Variants in EMP1 observed in about 807,000 individuals in gnomAD.
EMP1 encodes epithelial membrane protein 1, also known as tumor-associated membrane protein.
In EMP1, 5 loss-of-function variants were observed where a neutral mutation model predicts 15.7. The ratio of observed to expected loss-of-function variants is 0.32; its 90% confidence interval spans 0.17 to 0.67. EMP1 has a LOEUF of 0.67. Among genes scored for constraint, EMP1 ranks in the 30% least tolerant of loss-of-function variants. The pLI is 0.74. For synonymous variants in EMP1, 78 were observed against 76.7 expected, an observed-to-expected ratio of 1.02 and a Z score of -0.09; for missense variants, 166 against 194.2, an observed-to-expected ratio of 0.85 and a Z score of 0.86.
At chr12:13,212,726 G>A (rs757436615) in intron 2 of EMP1, among the ~76,000 whole-genome samples, 6 of 152,164 alleles carry the variant, frequency 3.9e-5, no homozygotes, top group Non-Finnish European at 7.3e-5. Flanking sequence ...GCATGTTCCC[G>A]GCCCCACCTT....
At chr12:13,199,007 C>G (rs1864039033) in intron 1 of EMP1, among the ~76,000 whole-genome samples, 1 of 132,584 alleles carries the variant, frequency 7.5e-6, no homozygotes, top group Admixed American at 7.6e-5. Context: ...ACCCAGACTC[C>G]GAAGAATGGG....
intron 1 of EMP1, among the ~76,000 whole-genome samples, chr12:13,198,354 A>G (rs1315319322): frequency 6.6e-6 from 1 of 152,138 alleles, no homozygotes; most frequent in African/African-American, 2.4e-5. Flanking sequence ...TTTTTTCCCC[A>G]AGTAAACAAG....
chr12:13,203,953 ACT>A (rs1250523891), intron 1 of EMP1, among the ~76,000 whole-genome samples: 2 of 151,980 alleles, frequency 1.3e-5, no homozygotes, highest in Non-Finnish European at 2.9e-5. Flanking sequence ...ACTATGTGAG[ACT>A]CTGTGCTAGT....
chr12:13,198,768 G>C (rs531225567), intron 1 of EMP1, among the ~76,000 whole-genome samples: 1 of 152,298 alleles, frequency 6.6e-6, no homozygotes, highest in East Asian at 1.9e-4. Flanking sequence ...GATACTGTAG[G>C]TTTATAAAGG....
chr12:13,205,063 C>G (rs570249581), intron 1 of EMP1, among the ~76,000 whole-genome samples: 1 of 152,082 alleles, frequency 6.6e-6, no homozygotes, highest in Non-Finnish European at 1.5e-5. Flanking sequence ...TCTTTCTAAT[C>G]GGGGAAGGGA....
intron 1 of EMP1, among the ~76,000 whole-genome samples, chr12:13,210,245 G>A (rs1864152693): frequency 6.6e-6 from 1 of 152,222 alleles, no homozygotes; most frequent in Non-Finnish European, 1.5e-5. Flanking sequence ...AGAGGGCAGT[G>A]GAACAATTGC....
chr12:13,197,518 G>T (rs897999685), intron 1 of EMP1, among the ~76,000 whole-genome samples: 1 of 152,160 alleles, frequency 6.6e-6, no homozygotes, highest in African/African-American at 2.4e-5. Flanking sequence ...GCTCATGCCT[G>T]TAATCCTAGC....
At position 13,214,595 on chromosome 12, in the gene EMP1, G is replaced by A. The variant is rs530732043; in HGVS notation, c.378G>A (p.Thr126=). The A allele has an allele frequency of 8.1e-6, 13 of 1,613,978 alleles. No homozygotes were observed. Among genetic ancestry groups the A allele is most frequent in the South Asian group, 5.5e-5 (5 of 91,054 alleles). Residue 126 remains threonine, a synonymous_variant, in exon 5 of 5, where the codon ACG becomes ACA. Transcript: ENST00000256951. ...YTSHYANRDG[T]QYHHGYSYIL... is the part of the protein sequence containing the mutation. ...GTCATTATGCGAATCGTGATGGAAC[G>A]CAGTATCACCACGGCTATTCCTACA...
intron 1 of EMP1, among the ~76,000 whole-genome samples, chr12:13,207,241 A>T (rs559960755): frequency 6.6e-6 from 1 of 152,184 alleles, no homozygotes; most frequent in African/African-American, 2.4e-5. Flanking sequence ...CCTCCCCAGT[A>T]GCTGGGACTA....
chr12:13,201,458 A>G (rs1380507610), intron 1 of EMP1, among the ~76,000 whole-genome samples: 1 of 152,170 alleles, frequency 6.6e-6, no homozygotes, highest in Non-Finnish European at 1.5e-5. Context: ...CAAAAAAACG[A>G]AAAACAAAAA....
At chr12:13,199,016 G>A (rs1321908579) in intron 1 of EMP1, among the ~76,000 whole-genome samples, 1 of 152,064 alleles carries the variant, frequency 6.6e-6, no homozygotes, top group East Asian at 1.9e-4. Flanking sequence ...CCGAAGAATG[G>A]GGCGGGGGCG....
rs574504519 is a variant in EMP1, at chr12:13,206,144, G to A, written c.-42-5325G>A. ...GAAGGATGTGAGATAAGTAATGGAG[G>A]TAGAAACTCAGGGTAGGACTGTGAT... On this transcript the variant is annotated intron_variant, in intron 1 of 4. Transcript: ENST00000256951. Among the ~76,000 whole-genome samples the A allele has an allele frequency of 3.3e-5, 5 of 152,290 alleles. No homozygotes were observed. In the East Asian group the frequency reaches 9.6e-4, roughly 29 times the overall value.
At chr12:13,210,792 G>A (rs1591709261) in intron 1 of EMP1, among the ~76,000 whole-genome samples, 1 of 152,270 alleles carries the variant, frequency 6.6e-6, no homozygotes, top group Admixed American at 6.5e-5. Flanking sequence ...AGGCTCAGGT[G>A]TAGTAATACT....
chr12:13,206,626 G>A (rs552127631), intron 1 of EMP1, among the ~76,000 whole-genome samples: 5 of 152,266 alleles, frequency 3.3e-5, no homozygotes, highest in Middle Eastern at 6.8e-3. Flanking sequence ...TGCTGCTGCC[G>A]CCAGGCCCCA....
At chr12:13,202,450 G>A (rs540877988) in intron 1 of EMP1, among the ~76,000 whole-genome samples, 3 of 152,308 alleles carry the variant, frequency 2.0e-5, no homozygotes, top group East Asian at 3.9e-4. Context: ...TCCCCAGGAC[G>A]CTGGAGAAGG....
rs1864235369 is a variant in EMP1 at position 13,218,702 on chromosome 12, G to T, written c.*4011G>T. 6.6e-6 allele frequency: 1 copy of T among 152,274 alleles called. No individual in the cohort carries two copies. Among genetic ancestry groups the T allele is most frequent in the Admixed American group, 6.5e-5 (1 of 15,276 alleles). 9.4% of individuals were successfully genotyped at this position (152,274 alleles called of 1,614,324 possible). On this transcript the variant is annotated 3_prime_UTR_variant, in exon 5 of 5. Transcript: ENST00000256951. Reference sequence around the variant, plus strand: ...AGGGAGACATGTGAAGCCTACTCCTGAGGCGGGAGGCTGGGGACATGACCA... The same window carrying T: ...AGGGAGACATGTGAAGCCTACTCCTTAGGCGGGAGGCTGGGGACATGACCA...
chr12:13,212,155 G>A (rs1416412610), intron 2 of EMP1, among the ~76,000 whole-genome samples: 2 of 152,172 alleles, frequency 1.3e-5, no homozygotes, highest in Non-Finnish European at 2.9e-5. Context: ...GCATGTGAAA[G>A]TGGAGTTTTG....
intron 1 of EMP1, among the ~76,000 whole-genome samples, chr12:13,201,673 G>C (rs1334737730): frequency 6.6e-6 from 1 of 152,116 alleles, no homozygotes. Context: ...CTTTAGGTAT[G>C]GTGTTCCCCG....
Position 13,211,684 on chromosome 12 carries a change from T to A in EMP1, c.78+96T>A, listed in dbSNP as rs73282992. On this transcript the variant is annotated intron_variant, in intron 2 of 4. Transcript: ENST00000256951. This position sits in a 1 kb window ranked among gnomAD's most constrained non-coding sequence, Gnocchi z 4.7. The stretch of plus-strand genomic sequence containing the variant: ...AAGTTTAAGCCACAGCCCTTGCCCT[T>A]CATGAACTTACAGCTCAGTTGTGGG... 1.6e-3 allele frequency: 2,189 copies of A among 1,374,216 alleles called. 37 individuals carry two copies. In the African/African-American group the frequency reaches 0.029, roughly 19 times the overall value. 85.1% of individuals were successfully genotyped at this position (1,374,216 alleles called of 1,614,324 possible). A position where few individuals can be genotyped will look rare whatever the true frequency, so the allele number is the denominator to read the frequency against.
Sources: allele counts gnomAD v4.1 joint callset (sites outside exome capture counted in the v4.1 genomes callset), GRCh38; gene constraint gnomAD v4.1.1; non-coding constraint Gnocchi (gnomAD v3.1); transcripts MANE v1.5; gene names NCBI Gene and HGNC (gene_info 2026-07-23, HGNC 2026-07-21).